BRINP2: variants seen among roughly 807,000 people sequenced by gnomAD.
The protein encoded by BRINP2 is BMP/retinoic acid-inducible neural-specific protein 2.
A neutral mutation model predicts 69.2 loss-of-function variants in BRINP2; 21 were observed. That is an observed-to-expected ratio of 0.30 (90% CI 0.22 to 0.44). The LOEUF (loss-of-function observed/expected upper bound fraction) is 0.44. BRINP2 is among the 20% of genes least tolerant of loss of function. BRINP2 has a pLI of 1.00. For missense variants in BRINP2, 877 were observed against 986.0 expected (o/e 0.89, Z 1.48); for synonymous variants, 380 against 394.1 (o/e 0.96, Z 0.42).
rs377062368 is a variant in BRINP2 at position 177,223,571 on chromosome 1, T to C, written c.-76-6230T>C. On this transcript the variant is annotated intron_variant, in intron 1 of 7. Coordinates refer to ENST00000361539, the MANE Select transcript of BRINP2 (RefSeq NM_021165.4). The stretch of plus-strand genomic sequence containing the variant: ...AGTTATAGGTCTCAGAGTCAGAATA[T>C]GCGAGTTTCACTTCTGTTTTATTGT... Among the ~76,000 whole-genome samples the C allele has an allele frequency of 5.9e-5, 9 of 152,312 alleles. No individual in the cohort carries two copies. In the East Asian group the frequency reaches 1.7e-3, roughly 29 times the overall value.
intron 7 of BRINP2, 60 bp from the exon 8 acceptor site, chr1:177,280,349 TAAG>T: frequency 6.8e-7 from 1 of 1,472,536 alleles, no homozygotes; most frequent in Non-Finnish European, 9.2e-7. Context: ...TTGCTGCCCT[TAAG>T]AAGGGTGTCA....
intron 2 of BRINP2, among the ~76,000 whole-genome samples, chr1:177,231,489 G>T (rs1649860664): frequency 6.6e-6 from 1 of 152,224 alleles, no homozygotes; most frequent in Non-Finnish European, 1.5e-5. Context: ...TGGTAAAACA[G>T]TGGCCATTTA....
At chr1:177,239,274 C>T (rs901088705) in intron 2 of BRINP2, among the ~76,000 whole-genome samples, 10 of 152,208 alleles carry the variant, frequency 6.6e-5, no homozygotes, top group Non-Finnish European at 1.2e-4. Flanking sequence ...CTCCGGGGAA[C>T]CCTGAGTGGG....
chr1:177,234,784 A>G (rs1002873470), intron 2 of BRINP2, among the ~76,000 whole-genome samples: 8 of 152,242 alleles, frequency 5.3e-5, no homozygotes, highest in Non-Finnish European at 1.2e-4. Context: ...TTAGAAGTCA[A>G]AACAAAATAG....
intron 3 of BRINP2, 137 bp from the exon 4 acceptor site, chr1:177,257,039 G>A (rs1448612386): frequency 6.5e-7 from 1 of 1,548,920 alleles, no homozygotes; most frequent in Non-Finnish European, 8.7e-7. Context: ...AGATGGTAAG[G>A]GCTGGGGGAA....
At chr1:177,211,780 T>C (rs1649228417) in intron 1 of BRINP2, among the ~76,000 whole-genome samples, 1 of 151,908 alleles carries the variant, frequency 6.6e-6, no homozygotes, top group South Asian at 2.1e-4. Flanking sequence ...AGTAAAGTTA[T>C]TTTTTTTCTC....
chr1:177,246,248 G>T (rs1157162744), intron 2 of BRINP2, among the ~76,000 whole-genome samples: 1 of 152,204 alleles, frequency 6.6e-6, no homozygotes, highest in Non-Finnish European at 1.5e-5. Context: ...TGGGAAATAT[G>T]ACAAAGGTGG....
chr1:177,280,970 T>C lies in BRINP2; in HGVS notation c.1794T>C (p.Ser598=). The part of the protein sequence containing the change: ...IYVNPFGGSH[S]ESWFMPVNEG... ...TCAACCCCTTTGGGGGCAGCCACTC[T>C]GAGAGCTGGTTCATGCCTGTGAATG... The change falls in exon 8 of 8, where the codon TCT becomes TCC. Residue 598 remains serine, a synonymous_variant. Coordinates refer to ENST00000361539, the MANE Select transcript of BRINP2 (RefSeq NM_021165.4). 6.2e-7 allele frequency: 1 copy of C among 1,614,190 alleles called. No homozygotes were observed. Among genetic ancestry groups the C allele is most frequent in the Non-Finnish European group, 8.5e-7 (1 of 1,180,022 alleles).
intron 1 of BRINP2, among the ~76,000 whole-genome samples, chr1:177,178,136 T>C (rs979142604): frequency 1.1e-4 from 16 of 152,340 alleles, no homozygotes; most frequent in African/African-American, 3.1e-4. Flanking sequence ...CTCGTGCTAC[T>C]GTCTGATGCC....
At chr1:177,218,898 C>A (rs36045327) in intron 1 of BRINP2, among the ~76,000 whole-genome samples, 18,904 of 152,134 alleles carry the variant, frequency 0.12, 1,595 homozygotes, top group East Asian at 0.27. Context: ...AGCCTGGGAC[C>A]CCTTCTTCCA....
At chr1:177,265,687 A>G (rs1651095356) in intron 4 of BRINP2, among the ~76,000 whole-genome samples, 1 of 152,264 alleles carries the variant, frequency 6.6e-6, no homozygotes, top group Admixed American at 6.5e-5. Flanking sequence ...ATAGGCTGCA[A>G]CCCAAGAGTC....
In BRINP2 at chr1:177,262,455, C is replaced by T. The variant is rs376693970; in HGVS notation, c.669+5071C>T. On this transcript the variant is annotated intron_variant, in intron 4 of 7. Transcript: ENST00000361539. ...TGAACCCGGGAGACGGAGGTTGCAGCGAGCTGAGATTGCGCCACTGCACTC... is the reference window on the plus strand; with the variant it reads ...TGAACCCGGGAGACGGAGGTTGCAGTGAGCTGAGATTGCGCCACTGCACTC... Among the ~76,000 whole-genome samples the T allele has an allele frequency of 1.1e-4, 17 of 150,604 alleles. No individual in the cohort carries two copies. The East Asian group carries it at 2.6e-3, about 23-fold the overall frequency.
At chr1:177,260,401 A>G (rs1012628710) in intron 4 of BRINP2, among the ~76,000 whole-genome samples, 5 of 152,260 alleles carry the variant, frequency 3.3e-5, no homozygotes, top group Admixed American at 6.5e-5. Context: ...GACAACAAAG[A>G]GTTTAGAATA....
intron 1 of BRINP2, among the ~76,000 whole-genome samples, chr1:177,204,620 T>C (rs1367401653): frequency 6.6e-6 from 1 of 152,144 alleles, no homozygotes; most frequent in Admixed American, 6.5e-5. Context: ...ATAAAGAAGG[T>C]TAAAAATTTC....
At chr1:177,230,818 C>G (rs1313442488) in intron 2 of BRINP2, among the ~76,000 whole-genome samples, 22 of 152,204 alleles carry the variant, frequency 1.4e-4, no homozygotes, top group Non-Finnish European at 4.4e-5. Context: ...TGCTCCTCCA[C>G]GTGCTCACCT....
intron 2 of BRINP2, among the ~76,000 whole-genome samples, chr1:177,244,645 A>T (rs909298257): frequency 6.6e-6 from 1 of 152,120 alleles, no homozygotes; most frequent in Non-Finnish European, 1.5e-5. Flanking sequence ...AAAAAAATAA[A>T]ATAAAAACGA....
intron 1 of BRINP2, among the ~76,000 whole-genome samples, chr1:177,174,627 G>C (rs1444103052): frequency 6.6e-6 from 1 of 152,192 alleles, no homozygotes; most frequent in Non-Finnish European, 1.5e-5. Context: ...TGTTTGGATA[G>C]AAAGAATGAG....
intron 1 of BRINP2, among the ~76,000 whole-genome samples, chr1:177,177,536 G>T (rs1430025777): frequency 6.6e-6 from 1 of 152,076 alleles, no homozygotes; most frequent in African/African-American, 2.4e-5. Context: ...ACAACCCTGT[G>T]GGATGGTTAT....
intron 1 of BRINP2, among the ~76,000 whole-genome samples, chr1:177,224,840 A>G (rs1175351775): frequency 6.6e-6 from 1 of 152,258 alleles, no homozygotes. Flanking sequence ...ATTAACATTA[A>G]CAACCTTGTT....
Sources: allele counts gnomAD v4.1 joint callset (sites outside exome capture counted in the v4.1 genomes callset), GRCh38; gene constraint gnomAD v4.1.1; transcripts MANE v1.5; gene names NCBI Gene and HGNC (gene_info 2026-07-23, HGNC 2026-07-21).